Variants in LDHC observed in about 807,000 individuals in gnomAD.
LDHC encodes L-lactate dehydrogenase C chain.
LDHC carries 20 observed loss-of-function variants against 30.2 expected under a neutral mutation model. That is an observed-to-expected ratio of 0.66 (90% CI 0.47 to 0.96). The LOEUF (loss-of-function observed/expected upper bound fraction) is 0.96. LDHC is among the 40% of genes least tolerant of loss of function. The pLI is 0.00. For missense variants in LDHC, 362 were observed against 394.9 expected, an observed-to-expected ratio of 0.92 and a Z score of 0.71; for synonymous variants, 139 against 132.7, an observed-to-expected ratio of 1.05 and a Z score of -0.32.
At chr11:18,415,158 T>A in intron 2 of LDHC, 26 bp from the exon 3 acceptor site, 1 of 1,320,124 alleles carries the variant, frequency 7.6e-7, no homozygotes, top group Non-Finnish European at 1.1e-6. Context: ...TAGGAACATT[T>A]TATTCAGAAC....
chr11:18,413,908 C>T (rs1457400684), intron 2 of LDHC, among the ~76,000 whole-genome samples: 3 of 152,164 alleles, frequency 2.0e-5, no homozygotes, highest in African/African-American at 7.2e-5. Context: ...CAGAAAAAGA[C>T]GAAATATTGT....
chr11:18,451,144 G>A lies in LDHC; in HGVS notation c.*17G>A, dbSNP rs746458298. The stretch of plus-strand genomic sequence containing the variant: ...ATATTTTAAATTAAAGCCTTCTAAT[G>A]TTCCACTGTTTGGAGAACAGAAGAT... On this transcript the variant is annotated 3_prime_UTR_variant, in exon 8 of 8. Coordinates refer to ENST00000541669, the MANE Select transcript of LDHC (RefSeq NM_017448.5). The A allele has an allele frequency of 2.1e-6, 3 of 1,429,306 alleles. No homozygotes were observed. The highest frequency in any genetic ancestry group is 2.8e-6 in the Non-Finnish European group (3 of 1,074,992). 88.5% of individuals were successfully genotyped at this position (1,429,306 alleles called of 1,614,324 possible).
At chr11:18,419,215 G>T (rs1188597097) in intron 3 of LDHC, among the ~76,000 whole-genome samples, 3 of 152,142 alleles carry the variant, frequency 2.0e-5, no homozygotes, top group Non-Finnish European at 4.4e-5. Context: ...AGTGCAAAAG[G>T]AAGCCACAGA....
At chr11:18,444,953 A>G (rs1053773125) in intron 6 of LDHC, among the ~76,000 whole-genome samples, 4 of 152,098 alleles carry the variant, frequency 2.6e-5, no homozygotes, top group African/African-American at 9.7e-5. Context: ...TCTTGTAAAA[A>G]TAATCACTAT....
intron 3 of LDHC, among the ~76,000 whole-genome samples, chr11:18,424,718 C>T (rs944163057): frequency 1.3e-5 from 2 of 152,038 alleles, no homozygotes; most frequent in Non-Finnish European, 1.5e-5. Context: ...ATAAAATGTA[C>T]TATGTAATGC....
chr11:18,423,760 A>G (rs530887347), intron 3 of LDHC, among the ~76,000 whole-genome samples: 34 of 152,338 alleles, frequency 2.2e-4, no homozygotes, highest in African/African-American at 7.5e-4. Flanking sequence ...GAGACAAGCC[A>G]TAAACTGAGA....
Position 18,451,950 on chromosome 11 carries a change from C to T in LDHC, c.*823C>T, listed in dbSNP as rs1290960382. On this transcript the variant is annotated 3_prime_UTR_variant, in exon 8 of 8. Coordinates refer to ENST00000541669, the MANE Select transcript of LDHC (RefSeq NM_017448.5). ...CTCAGACTCAAAAGAAGAAGAAGAA[C>T]ACAGAAGAAAAGCAGAAACAAGAAG... 2 of 148,926 alleles carry T rather than the reference C, an allele frequency of 1.3e-5. No individual in the cohort carries two copies. The highest frequency in any genetic ancestry group is 6.7e-5 in the Admixed American group (1 of 14,942). 9.2% of individuals were successfully genotyped at this position (148,926 alleles called of 1,614,324 possible).
In LDHC at chr11:18,415,311, A is replaced by G. The variant is rs367772851; in HGVS notation, c.244+10A>G. ...ATTACTTCTGGAAAAGGTTAATTTTAGTTTTATAAAGTTATTTTCAAAGCT... is the reference window on the plus strand; with the variant it reads ...ATTACTTCTGGAAAAGGTTAATTTTGGTTTTATAAAGTTATTTTCAAAGCT... On this transcript the variant is annotated intron_variant, in intron 3 of 7. Transcript: ENST00000541669. 7.0e-6 allele frequency: 9 copies of G among 1,287,040 alleles called. No homozygotes were observed. In the South Asian group the frequency reaches 1.1e-4, roughly 16 times the overall value. The allele number at this position is 1,287,040 out of a possible 1,614,324, so 79.7% of individuals were successfully genotyped here.
At chr11:18,440,035 C>T (rs994547417) in intron 6 of LDHC, among the ~76,000 whole-genome samples, 9 of 148,988 alleles carry the variant, frequency 6.0e-5, no homozygotes, top group Admixed American at 1.4e-4. Context: ...GGCGCAGTGG[C>T]TTATGCCTGT....
At chr11:18,442,660 CTTTTT>C (rs34884188) in intron 6 of LDHC, among the ~76,000 whole-genome samples, 2 of 112,624 alleles carry the variant, frequency 1.8e-5, no homozygotes, top group Non-Finnish European at 3.5e-5. Flanking sequence ...TTCTCTCTCT[CTTTTT>C]TTTTTTTTTT....
rs1022257851 is a variant in LDHC, at chr11:18,437,445, G to A, written c.593-1083G>A. On this transcript the variant is annotated intron_variant, in intron 5 of 7. Transcript: ENST00000541669. Reference sequence around the variant, plus strand: ...AGGTGGTGTTTTAGGCCATTTTTGTGTTGCTGTAAAGAAATACCTGGCCAG... The same window carrying A: ...AGGTGGTGTTTTAGGCCATTTTTGTATTGCTGTAAAGAAATACCTGGCCAG... Among the ~76,000 whole-genome samples the A allele has an allele frequency of 6.6e-5, 10 of 152,252 alleles. No homozygotes were observed. The East Asian group carries it at 1.9e-3, about 29-fold the overall frequency.
At position 18,412,330 on chromosome 11, in the gene LDHC, G is replaced by C. The variant is rs572536940; in HGVS notation, c.-88G>C. 1 of 164,448 alleles carries C rather than the reference G, an allele frequency of 6.1e-6. No homozygotes were observed. Among genetic ancestry groups the C allele is most frequent in the South Asian group, 1.6e-4 (1 of 6,306 alleles). 10.2% of individuals were successfully genotyped at this position (164,448 alleles called of 1,614,324 possible). A position where few individuals can be genotyped will look rare whatever the true frequency, so the allele number is the denominator to read the frequency against. ...ACGTGCGTGTCTCGAGTCGCACGGA[G>C]GGCAACCGTCGACGGGCTTAGCGCC... On this transcript the variant is annotated 5_prime_UTR_variant, in exon 1 of 8. Transcript: ENST00000541669.
At chr11:18,437,945 A>G (rs1445733148) in intron 5 of LDHC, among the ~76,000 whole-genome samples, 1 of 150,066 alleles carries the variant, frequency 6.7e-6, no homozygotes, top group African/African-American at 2.5e-5. Context: ...CACACCTGTA[A>G]TCCCAGCTGC....
At chr11:18,445,113 G>A (rs1848533625) in intron 6 of LDHC, among the ~76,000 whole-genome samples, 2 of 151,664 alleles carry the variant, frequency 1.3e-5, no homozygotes, top group African/African-American at 4.8e-5. Flanking sequence ...ATTTATTATT[G>A]ATTTAGTGAT....
chr11:18,430,612 T>A (rs192678604), intron 4 of LDHC, among the ~76,000 whole-genome samples: 7 of 152,344 alleles, frequency 4.6e-5, no homozygotes, highest in Non-Finnish European at 1.0e-4. Context: ...TCTACTCGCC[T>A]TGGCCTCCTA....
At chr11:18,412,520 C>T in intron 1 of LDHC, 112 bp downstream of exon 1, 1 of 519,126 alleles carries the variant, frequency 1.9e-6, no homozygotes, top group South Asian at 2.1e-5. Flanking sequence ...AATCCAAAAG[C>T]CCGCTGGTGC....
At chr11:18,430,203 T>C (rs912695349) in intron 4 of LDHC, among the ~76,000 whole-genome samples, 1 of 152,220 alleles carries the variant, frequency 6.6e-6, no homozygotes, top group Non-Finnish European at 1.5e-5. Flanking sequence ...ATGCTGAATG[T>C]AATTTTTTCT....
chr11:18,448,254 A>AC (rs1281932536), intron 7 of LDHC, among the ~76,000 whole-genome samples: 6 of 152,060 alleles, frequency 3.9e-5, no homozygotes, highest in African/African-American at 1.4e-4. Flanking sequence ...CCTTTACCGA[A>AC]CAAGTCAATG....
chr11:18,419,330 CA>C (rs1867078383), intron 3 of LDHC, among the ~76,000 whole-genome samples: 2 of 152,160 alleles, frequency 1.3e-5, no homozygotes, highest in South Asian at 2.1e-4. Context: ...TTACCATTGC[CA>C]GAACTATACC....
Sources: gnomAD v4.1 joint callset for allele counts (sites outside exome capture counted in the v4.1 genomes callset) on GRCh38, gnomAD v4.1.1 for gene constraint, MANE v1.5 for transcripts, NCBI Gene and HGNC (gene_info 2026-07-23, HGNC 2026-07-21) for gene names.